The following LOC400499 variants were observed in gnomAD, a reference collection of about 807,000 sequenced individuals.
chr16:11,452,911 G>A, the LOC400499 span, among the ~76,000 whole-genome samples: 1 of 152,234 alleles, frequency 6.6e-6, no homozygotes, highest in Non-Finnish European at 1.5e-5. Flanking sequence ...CTCCAAAGGT[G>A]AATTAACTGG....
chr16:11,410,050 A>T, the LOC400499 span, among the ~76,000 whole-genome samples: 2 of 152,230 alleles, frequency 1.3e-5, no homozygotes, highest in African/African-American at 4.8e-5. Context: ...AGGCTGAGGC[A>T]GGAGGATCAC....
At chr16:11,411,075 A>G in the LOC400499 span, among the ~76,000 whole-genome samples, 1 of 151,772 alleles carries the variant, frequency 6.6e-6, no homozygotes, top group Non-Finnish European at 1.5e-5. Context: ...AAACCTGGGT[A>G]TGTTTGGGAA....
chr16:11,448,006 T>C, the LOC400499 span: 1 of 1,536,056 alleles, frequency 6.5e-7, no homozygotes. Flanking sequence ...TCCTTCCAAC[T>C]GCAGGCCCCG....
chr16:11,465,900 AAAAGGAAG>A, the LOC400499 span, among the ~76,000 whole-genome samples: 1 of 152,086 alleles, frequency 6.6e-6, no homozygotes, highest in African/African-American at 2.4e-5. Context: ...GAAAGGAAAG[AAAAGGAAG>A]AAAGGAAGAA....
At chr16:11,397,377 G>A in the LOC400499 span, among the ~76,000 whole-genome samples, 3 of 152,100 alleles carry the variant, frequency 2.0e-5, no homozygotes, top group Non-Finnish European at 2.9e-5. Flanking sequence ...AGGTTCAAGC[G>A]ATTCTCCTAC....
At chr16:11,409,295 TA>T in the LOC400499 span, among the ~76,000 whole-genome samples, 1 of 151,778 alleles carries the variant, frequency 6.6e-6, no homozygotes, top group Non-Finnish European at 1.5e-5. Context: ...AATAAAAAAA[TA>T]AAACATTGGG....
At chr16:11,467,388 C>A in the LOC400499 span, 1 of 151,398 alleles carries the variant, frequency 6.6e-6, no homozygotes. Flanking sequence ...GGTGGGCAGA[C>A]TGTGTAAGCC....
the LOC400499 span, chr16:11,469,500 G>A: frequency 0.057 from 22,719 of 399,024 alleles, 2,218 homozygotes; most frequent in East Asian, 0.35. Flanking sequence ...GAGGGACGTT[G>A]ACATTACCGT....
chr16:11,413,579 G>A, the LOC400499 span, among the ~76,000 whole-genome samples: 6 of 152,204 alleles, frequency 3.9e-5, no homozygotes, highest in African/African-American at 1.2e-4. Context: ...GGAGGACACC[G>A]TGAGGAAGGG....
At chr16:11,438,497 G>A in the LOC400499 span, among the ~76,000 whole-genome samples, 3 of 151,138 alleles carry the variant, frequency 2.0e-5, no homozygotes, top group Admixed American at 6.6e-5. Context: ...AGGGCTGGGC[G>A]CATTGGCTCA....
chr16:11,417,680 C>A, the LOC400499 span: 1 of 399,238 alleles, frequency 2.5e-6, no homozygotes, highest in Non-Finnish European at 4.4e-6. Context: ...GGGAACCCTG[C>A]CCACAACAAA....
chr16:11,450,778 G>A, the LOC400499 span: 5 of 1,536,074 alleles, frequency 3.3e-6, no homozygotes, highest in Non-Finnish European at 3.5e-6. Flanking sequence ...TAGCCTGTGA[G>A]CTGCAGAGAC....
the LOC400499 span, among the ~76,000 whole-genome samples, chr16:11,465,824 G>A: frequency 1.4e-5 from 2 of 140,730 alleles, no homozygotes; most frequent in Non-Finnish European, 3.0e-5. Flanking sequence ...AAGACATGGG[G>A]GAAAGTGGGG....
the LOC400499 span, chr16:11,443,551 C>T: frequency 3.1e-6 from 1 of 317,648 alleles, no homozygotes; most frequent in Non-Finnish European, 6.1e-6. Flanking sequence ...TCCATAAATG[C>T]TTGCTGAAAA....
the LOC400499 span, among the ~76,000 whole-genome samples, chr16:11,520,466 G>A: frequency 1.3e-5 from 2 of 152,128 alleles, no homozygotes; most frequent in African/African-American, 4.8e-5. Flanking sequence ...AGACCAGCTT[G>A]GCCAACATGG....
chr16:11,484,790 G>A, the LOC400499 span: 13 of 394,222 alleles, frequency 3.3e-5, no homozygotes, highest in Middle Eastern at 1.3e-3. Context: ...CAGAGTTCAC[G>A]GACACCCAAG....
At chr16:11,463,940 G>A in the LOC400499 span, among the ~76,000 whole-genome samples, 5 of 152,276 alleles carry the variant, frequency 3.3e-5, no homozygotes, top group Middle Eastern at 3.4e-3. Context: ...GTATATGGAC[G>A]TGTGTACACC....
chr16:11,424,281 C>T, the LOC400499 span: 17 of 399,264 alleles, frequency 4.3e-5, no homozygotes, highest in South Asian at 2.5e-4. Context: ...CAGCGCCAGG[C>T]GTGCTGAGCA....
At chr16:11,445,102 AAG>A in the LOC400499 span, among the ~76,000 whole-genome samples, 1 of 150,576 alleles carries the variant, frequency 6.6e-6, no homozygotes, top group East Asian at 2.0e-4. Flanking sequence ...AAAAAAAAAA[AAG>A]AACTGGGATT....
Sources: gnomAD v4.1 joint callset for allele counts (sites outside exome capture counted in the v4.1 genomes callset) on GRCh38, gnomAD v4.1.1 for gene constraint, MANE v1.5 for transcripts.